MAU2: variants seen among roughly 807,000 people sequenced by gnomAD.
The protein encoded by MAU2 is MAU2 chromatid cohesion factor homolog.
A neutral mutation model predicts 89.1 loss-of-function variants in MAU2; 9 were observed. That is an observed-to-expected ratio of 0.10 (90% CI 0.06 to 0.18). The LOEUF (loss-of-function observed/expected upper bound fraction) is 0.18. Among genes scored for constraint, MAU2 ranks in the 10% least tolerant of loss-of-function variants. The pLI, the probability that MAU2 is intolerant of heterozygous loss-of-function variation, is 1.00. For synonymous variants in MAU2, 357 were observed against 343.4 expected, an observed-to-expected ratio of 1.04 and a Z score of -0.44; for missense variants, 425 against 803.5, an observed-to-expected ratio of 0.53 and a Z score of 5.69.
chr19:19,323,519 T>G (rs752251683), intron 1 of MAU2, among the ~76,000 whole-genome samples: 11 of 152,042 alleles, frequency 7.2e-5, no homozygotes, highest in Non-Finnish European at 1.6e-4. Context: ...TTTATTTATT[T>G]ATTTTGAGAC....
chr19:19,345,239 A>G lies in MAU2; in HGVS notation c.1156-65A>G. ...CAGCCGTGCAGGCCCCGGGCACACC[A>G]CGTGTCTCTGATCTGAGCCCCCTCC... On this transcript the variant is annotated intron_variant, in intron 11 of 18. Coordinates refer to ENST00000262815, the MANE Select transcript of MAU2 (RefSeq NM_015329.4). The surrounding 1 kb of genome is among the most constrained non-coding windows in gnomAD (Gnocchi z 4.9). 2 of 1,437,032 alleles carry G rather than the reference A, an allele frequency of 1.4e-6. No individual in the cohort carries two copies. Among genetic ancestry groups the G allele is most frequent in the Non-Finnish European group, 2.0e-6 (2 of 1,020,396 alleles). The allele number at this position is 1,437,032 out of a possible 1,614,324, so 89.0% of individuals were successfully genotyped here. A position where few individuals can be genotyped will look rare whatever the true frequency, so the allele number is the denominator to read the frequency against.
intron 17 of MAU2, 105 bp from the exon 18 acceptor site, chr19:19,355,159 A>C (rs1443225745): frequency 1.3e-5 from 19 of 1,432,522 alleles, no homozygotes; most frequent in Non-Finnish European, 1.8e-5. Context: ...CCAGAGATCC[A>C]CCAGTGCAGC....
intron 3 of MAU2, 98 bp downstream of exon 3, chr19:19,336,285 C>T: frequency 1.1e-6 from 1 of 913,854 alleles, no homozygotes; most frequent in Non-Finnish European, 1.7e-6. Flanking sequence ...GTTGGAATCC[C>T]TCCGGCTTTT....
chr19:19,338,260 G>A (rs2146679734), intron 4 of MAU2, among the ~76,000 whole-genome samples: 1 of 152,344 alleles, frequency 6.6e-6, no homozygotes, highest in South Asian at 2.1e-4. Context: ...ACGCACTCTT[G>A]TGCCCATTAG....
chr19:19,346,662 C>T (rs2061695672), intron 12 of MAU2, among the ~76,000 whole-genome samples: 1 of 152,222 alleles, frequency 6.6e-6, no homozygotes, highest in Admixed American at 6.5e-5. Flanking sequence ...CCCAGCCCCA[C>T]TGGGAACCAG....
In MAU2 at chr19:19,355,963, G is replaced by T; in HGVS notation, c.*181G>T. 1 of 702,110 alleles carries T rather than the reference G, an allele frequency of 1.4e-6. No individual in the cohort carries two copies. The highest frequency in any genetic ancestry group is 2.6e-6 in the Non-Finnish European group (1 of 387,964). The allele number at this position is 702,110 out of a possible 1,614,324, so 43.5% of individuals were successfully genotyped here. A position where few individuals can be genotyped will look rare whatever the true frequency, so the allele number is the denominator to read the frequency against. Reference sequence around the variant, plus strand: ...GAGGGGTGGTAGCCGTTCCCACCTCGCAGCAGGACCCCCAGTGCAGAGGCT... The same window carrying T: ...GAGGGGTGGTAGCCGTTCCCACCTCTCAGCAGGACCCCCAGTGCAGAGGCT... On this transcript the variant is annotated 3_prime_UTR_variant, in exon 19 of 19. Transcript: ENST00000262815.
rs2061619804 is a variant in MAU2 at position 19,339,102 on chromosome 19, C to T, written c.551+163C>T. On this transcript the variant is annotated intron_variant, in intron 5 of 18. Transcript: ENST00000262815. ...CCAAGGTAGGAGGATCACTTGAGCC[C>T]AGGAGTTCAAGACCAGCCTGGGGAA... Among the ~76,000 whole-genome samples the T allele has an allele frequency of 3.9e-5, 6 of 152,092 alleles. No homozygotes were observed. In the South Asian group the frequency reaches 1.2e-3, roughly 32 times the overall value.
chr19:19,343,091 G>A (rs556245426), intron 9 of MAU2, among the ~76,000 whole-genome samples: 1 of 152,174 alleles, frequency 6.6e-6, no homozygotes, highest in African/African-American at 2.4e-5. Flanking sequence ...CAGGTCCCTT[G>A]TGCCCAGTCA....
In MAU2 at chr19:19,342,693, C is replaced by T. The variant is rs894964426; in HGVS notation, c.882+12C>T. On this transcript the variant is annotated intron_variant, in intron 8 of 18. Transcript: ENST00000262815. The stretch of plus-strand genomic sequence containing the variant: ...TGCTTGTCTACCTGGTGCGTCCCCA[C>T]CAGGGCCCGGGCCAGGGCTGGGGGC... 24 of 1,613,234 alleles carry T rather than the reference C, an allele frequency of 1.5e-5. No homozygotes were observed. Among genetic ancestry groups the T allele is most frequent in the Non-Finnish European group, 1.7e-5 (20 of 1,179,648 alleles).
chr19:19,332,333 T>TTC lies in MAU2; in HGVS notation c.277-3384_277-3383insCT, dbSNP rs1287652112. 6.0e-5 allele frequency among the ~76,000 whole-genome samples: 9 copies of TTC among 149,730 alleles called. No individual in the cohort carries two copies. The East Asian group carries it at 1.8e-3, about 29-fold the overall frequency. Reference sequence around the variant, plus strand: ...CACCACCATGCCTGGCTGATTTTTTTTTTTTTTTTTTTTTTTTAGAGCGAG... The same window carrying TTC: ...CACCACCATGCCTGGCTGATTTTTTTTCTTTTTTTTTTTTTTTTTAGAGCGAG... On this transcript the variant is annotated intron_variant, in intron 1 of 18. Transcript: ENST00000262815.
At chr19:19,337,051 T>G in intron 3 of MAU2, 119 bp from the exon 4 acceptor site, 2 of 708,234 alleles carry the variant, frequency 2.8e-6, no homozygotes, top group Non-Finnish European at 4.8e-6. Flanking sequence ...AAAAAATCCT[T>G]TGGTAAGCAT....
intron 1 of MAU2, among the ~76,000 whole-genome samples, chr19:19,325,269 G>A (rs2061495012): frequency 2.0e-5 from 3 of 152,048 alleles, no homozygotes; most frequent in South Asian, 2.1e-4. Flanking sequence ...TCTGCCTCCC[G>A]GGTTCAAGCG....
chr19:19,345,171 C>A lies in MAU2; in HGVS notation c.1156-133C>A. 1 of 831,352 alleles carries A rather than the reference C, an allele frequency of 1.2e-6. No individual in the cohort carries two copies. The highest frequency in any genetic ancestry group is 2.0e-6 in the Non-Finnish European group (1 of 502,392). 51.5% of individuals were successfully genotyped at this position (831,352 alleles called of 1,614,324 possible). A position where few individuals can be genotyped will look rare whatever the true frequency, so the allele number is the denominator to read the frequency against. On this transcript the variant is annotated intron_variant, in intron 11 of 18. Transcript: ENST00000262815. The surrounding 1 kb of genome is among the most constrained non-coding windows in gnomAD (Gnocchi z 4.9). ...TGGGGACAGTGAGCATATTACCTGCCTTGCAGCTGGCTCGGTAGAGCCATT... is the reference window on the plus strand; with the variant it reads ...TGGGGACAGTGAGCATATTACCTGCATTGCAGCTGGCTCGGTAGAGCCATT...
chr19:19,343,101 A>G (rs2061665871), intron 9 of MAU2, among the ~76,000 whole-genome samples: 1 of 152,194 alleles, frequency 6.6e-6, no homozygotes, highest in South Asian at 2.1e-4. Context: ...GTGCCCAGTC[A>G]TGCTCAGTTG....
rs113862183 is a variant in MAU2 at position 19,327,617 on chromosome 19, G to A, written c.276+6482G>A. On this transcript the variant is annotated intron_variant, in intron 1 of 18. Coordinates refer to ENST00000262815, the MANE Select transcript of MAU2 (RefSeq NM_015329.4). ...TGGGATTACAGGCGTGAGCCACTGC[G>A]CCCGGCCTCTACTTTTATTAGAGAT... Among the ~76,000 whole-genome samples the A allele has an allele frequency of 2.3e-4, 35 of 152,164 alleles. 1 individual carries two copies. Among genetic ancestry groups the A allele is most frequent in the East Asian group, 1.4e-3 (7 of 5,178 alleles).
intron 16 of MAU2, among the ~76,000 whole-genome samples, chr19:19,350,963 G>A (rs1225860600): frequency 6.6e-6 from 1 of 151,778 alleles, no homozygotes. Context: ...CCCTTTGGGA[G>A]GTGGATGGGG....
chr19:19,346,094 G>C (rs1295630358), intron 12 of MAU2, among the ~76,000 whole-genome samples: 1 of 152,148 alleles, frequency 6.6e-6, no homozygotes. Flanking sequence ...CTGTTGGACA[G>C]GGTTCCCATT....
intron 3 of MAU2, among the ~76,000 whole-genome samples, 164 bp from the exon 4 acceptor site, chr19:19,337,005 CT>C: frequency 6.6e-6 from 1 of 152,274 alleles, no homozygotes; most frequent in Non-Finnish European, 1.5e-5. Context: ...AATAAAATAT[CT>C]TTTTTTACTT....
chr19:19,346,915 T>C (rs1314199907), intron 12 of MAU2: 1 of 214,074 alleles, frequency 4.7e-6, no homozygotes, highest in African/African-American at 2.3e-5. Flanking sequence ...TATGCCTTGA[T>C]GGCAGTGGAC....
Sources: allele counts gnomAD v4.1 joint callset (sites outside exome capture counted in the v4.1 genomes callset), GRCh38; gene constraint gnomAD v4.1.1; non-coding constraint Gnocchi (gnomAD v3.1); transcripts MANE v1.5; gene names NCBI Gene and HGNC (gene_info 2026-07-23, HGNC 2026-07-21).